Variants in CNTN5 observed in about 807,000 individuals in gnomAD.
The protein encoded by CNTN5 is contactin 5.
A neutral mutation model predicts 129.1 loss-of-function variants in CNTN5; 77 were observed. The ratio of observed to expected loss-of-function variants is 0.60; its 90% CI spans 0.50 to 0.72. The LOEUF (loss-of-function observed/expected upper bound fraction) is 0.72. Among genes scored for constraint, CNTN5 ranks in the 30% least tolerant of loss-of-function variants. The pLI, the probability that CNTN5 is intolerant of heterozygous loss-of-function variation, is 0.00. For synonymous variants in CNTN5, 509 were observed against 465.6 expected, an observed-to-expected ratio of 1.09 and a Z score of -1.20; for missense variants, 1,478 against 1,328.8, an observed-to-expected ratio of 1.11 and a Z score of -1.75.
At chr11:99,375,450 G>A (rs1208722672) in intron 2 of CNTN5, among the ~76,000 whole-genome samples, 1 of 151,954 alleles carries the variant, frequency 6.6e-6, no homozygotes, top group Non-Finnish European at 1.5e-5. Context: ...AAGTTAGAGA[G>A]TATAGTCAGG....
chr11:99,340,842 A>T (rs1267262198), intron 2 of CNTN5, among the ~76,000 whole-genome samples: 2 of 152,240 alleles, frequency 1.3e-5, no homozygotes, highest in African/African-American at 4.8e-5. Context: ...TACATTAAAC[A>T]TATTCATGAC....
chr11:99,838,913 C>T (rs1591287439), intron 4 of CNTN5, among the ~76,000 whole-genome samples: 2 of 152,226 alleles, frequency 1.3e-5, no homozygotes, highest in Admixed American at 1.3e-4. Context: ...GTCAAGCTGA[C>T]ACTCACGGGG....
chr11:99,162,862 A>G (rs1357267452), intron 1 of CNTN5, among the ~76,000 whole-genome samples: 1 of 152,216 alleles, frequency 6.6e-6, no homozygotes, highest in Non-Finnish European at 1.5e-5. Context: ...TCCTTTAATC[A>G]TGATTCTACA....
At chr11:99,074,990 A>G (rs1465963998) in intron 1 of CNTN5, among the ~76,000 whole-genome samples, 1 of 152,212 alleles carries the variant, frequency 6.6e-6, no homozygotes, top group African/African-American at 2.4e-5. Context: ...AATATGATGT[A>G]TACATAAGAA....
intron 1 of CNTN5, among the ~76,000 whole-genome samples, chr11:99,245,873 C>T (rs1861789515): frequency 6.6e-6 from 1 of 152,062 alleles, no homozygotes; most frequent in Non-Finnish European, 1.5e-5. Context: ...ATGACAGTAG[C>T]GTCCCTCAAG....
intron 3 of CNTN5, among the ~76,000 whole-genome samples, chr11:99,690,938 C>T (rs1954016022): frequency 6.6e-6 from 1 of 151,976 alleles, no homozygotes; most frequent in South Asian, 2.1e-4. Context: ...AATTTCAGAA[C>T]TCATTTTGGT....
intron 9 of CNTN5, among the ~76,000 whole-genome samples, chr11:100,056,102 T>C (rs1425377688): frequency 1.3e-5 from 2 of 151,762 alleles, no homozygotes; most frequent in African/African-American, 2.4e-5. Flanking sequence ...TATGTGATTA[T>C]ATTTTTGTCT....
intron 6 of CNTN5, among the ~76,000 whole-genome samples, chr11:99,900,489 A>G (rs569379864): frequency 6.6e-5 from 10 of 151,960 alleles, no homozygotes; most frequent in South Asian, 6.2e-4. Context: ...TCCTCTTACC[A>G]TTGCCTTTGC....
chr11:99,819,548 T>C lies in CNTN5; in HGVS notation c.60T>C (p.Tyr20=), dbSNP rs747751684. 1.2e-6 allele frequency: 2 copies of C among 1,608,266 alleles called. No individual in the cohort carries two copies. The highest frequency in any genetic ancestry group is 1.1e-5 in the South Asian group (1 of 90,928). ...ATTATATTTTTTCTCTTACAGAGTA[T>C]TCAAAATCTCTTCCTGGTCTCTCCA... The part of the protein sequence containing the change: ...FLSVTMCLSE[Y]SKSLPGLSTS... Residue 20 remains tyrosine, a synonymous_variant, in exon 4 of 25, where the codon TAT becomes TAC. Transcript: ENST00000524871.
At chr11:99,110,896 C>G (rs1039007942) in intron 1 of CNTN5, among the ~76,000 whole-genome samples, 3 of 151,970 alleles carry the variant, frequency 2.0e-5, no homozygotes, top group African/African-American at 4.8e-5. Context: ...ATAGCATGAC[C>G]AATATATAAA....
intron 20 of CNTN5, among the ~76,000 whole-genome samples, chr11:100,304,673 C>T (rs1445797604): frequency 2.6e-5 from 4 of 151,606 alleles, no homozygotes; most frequent in African/African-American, 9.7e-5. Context: ...AAGGAAAAAG[C>T]ATCAGGTAAG....
chr11:100,108,753 C>T (rs1158596015), intron 13 of CNTN5, among the ~76,000 whole-genome samples: 1 of 151,100 alleles, frequency 6.6e-6, no homozygotes, highest in African/African-American at 2.4e-5. Flanking sequence ...TATATGTAAA[C>T]TGACAGAGAT....
Position 100,234,931 on chromosome 11 carries a change from A to T in CNTN5, c.2005+10119A>T, listed in dbSNP as rs1042111126. 7.2e-5 allele frequency among the ~76,000 whole-genome samples: 11 copies of T among 152,094 alleles called. No homozygotes were observed. The East Asian group carries it at 1.2e-3, about 16-fold the overall frequency. On this transcript the variant is annotated intron_variant, in intron 16 of 24. Coordinates refer to ENST00000524871, the MANE Select transcript of CNTN5 (RefSeq NM_014361.4). ...TTTTAAATTTTTTGCAATTGCCCCAATTCTGGGGCAAAACCAAAACTCCCA... is the reference window on the plus strand; with the variant it reads ...TTTTAAATTTTTTGCAATTGCCCCATTTCTGGGGCAAAACCAAAACTCCCA...
chr11:99,496,693 C>G (rs1465916743), intron 2 of CNTN5, among the ~76,000 whole-genome samples: 1 of 152,114 alleles, frequency 6.6e-6, no homozygotes, highest in East Asian at 1.9e-4. Context: ...GTAAGATAGT[C>G]CAGATGATGT....
At chr11:99,928,784 G>A (rs530762281) in intron 7 of CNTN5, among the ~76,000 whole-genome samples, 23 of 152,278 alleles carry the variant, frequency 1.5e-4, no homozygotes, top group South Asian at 4.1e-4. Flanking sequence ...ATTAACATTT[G>A]GCTCCTCATT....
At chr11:99,503,940 A>G (rs556563159) in intron 2 of CNTN5, among the ~76,000 whole-genome samples, 19 of 152,306 alleles carry the variant, frequency 1.2e-4, no homozygotes, top group African/African-American at 3.8e-4. Flanking sequence ...TGTATTTGTA[A>G]CAAAAATCTT....
chr11:100,120,356 A>G (rs1246583460), intron 13 of CNTN5, among the ~76,000 whole-genome samples: 1 of 151,950 alleles, frequency 6.6e-6, no homozygotes, highest in Non-Finnish European at 1.5e-5. Flanking sequence ...TTTCATTTAA[A>G]CTGATCATAG....
At chr11:100,041,811 T>C (rs1942395284) in intron 9 of CNTN5, among the ~76,000 whole-genome samples, 1 of 152,216 alleles carries the variant, frequency 6.6e-6, no homozygotes, top group East Asian at 1.9e-4. Context: ...CAAGCTTCTT[T>C]ACCTAAATTA....
At chr11:100,037,029 G>A (rs952077345) in intron 9 of CNTN5, among the ~76,000 whole-genome samples, 1 of 151,924 alleles carries the variant, frequency 6.6e-6, no homozygotes, top group African/African-American at 2.4e-5. Flanking sequence ...GTGAGAGAGG[G>A]CATCCCTGTC....
Sources: allele counts gnomAD v4.1 joint callset (sites outside exome capture counted in the v4.1 genomes callset), GRCh38; gene constraint gnomAD v4.1.1; transcripts MANE v1.5; gene names NCBI Gene and HGNC (gene_info 2026-07-23, HGNC 2026-07-21).